OSGEPL1: variants seen among roughly 807,000 people sequenced by gnomAD.
OSGEPL1 encodes the protein tRNA N6-adenosine threonylcarbamoyltransferase, mitochondrial.
In OSGEPL1, 26 loss-of-function variants were observed where a neutral mutation model predicts 37.2. That is an observed-to-expected ratio of 0.70 (90% confidence interval 0.51 to 0.97). OSGEPL1 has a LOEUF of 0.97. Among genes scored for constraint, OSGEPL1 ranks in the 50% least tolerant of loss-of-function variants. The pLI is 0.00. For missense variants in OSGEPL1, 404 were observed against 487.0 expected (o/e 0.83, Z 1.60); for synonymous variants, 140 against 159.9 (o/e 0.88, Z 0.94).
At position 189,761,544 on chromosome 2, in the gene OSGEPL1, G is replaced by A; in HGVS notation, c.97C>T (p.Leu33=). Residue 33 remains leucine (L), a synonymous_variant, in exon 2 of 9, where the codon CTA becomes TTA. Transcript: ENST00000264151. Reference sequence around the variant, plus strand: ...CCCAATACTATTTTATGAAGAAATAGTGTTCCAGGATGAAAATTAAAACTT... The same window carrying A: ...CCCAATACTATTTTATGAAGAAATAATGTTCCAGGATGAAAATTAAAACTT... ...LRSFNFHPGT[L]FLHKIVLGIE... 1 of 1,611,792 alleles carries A rather than the reference G, an allele frequency of 6.2e-7. No individual in the cohort carries two copies.
chr2:189,762,582 C>G, intron 1 of OSGEPL1, 103 bp downstream of exon 1: 1 of 985,466 alleles, frequency 1.0e-6, no homozygotes, highest in Non-Finnish European at 1.2e-6. Flanking sequence ...TTGGGTAGCG[C>G]TGGTCTCCTG....
chr2:189,748,956 A>G (rs1574828216), intron 8 of OSGEPL1, among the ~76,000 whole-genome samples: 1 of 152,256 alleles, frequency 6.6e-6, no homozygotes, highest in South Asian at 2.1e-4. Context: ...TATAAAGATT[A>G]TTTTTATTGG....
intron 5 of OSGEPL1, 129 bp from the exon 6 acceptor site, chr2:189,753,108 G>A: frequency 1.4e-6 from 1 of 737,980 alleles, no homozygotes; most frequent in Non-Finnish European, 2.0e-6. Flanking sequence ...GTAATGGGCA[G>A]ATGACATATC....
rs2044265262 is a variant in OSGEPL1 at position 189,747,242 on chromosome 2, G to A, written c.*29-74C>T. ...TAGTCCCGGCTATTCAAGAGGCTAAGGCAGGAGGATTGCTTGAGTTCAGGA... is the reference window on the plus strand; with the variant it reads ...TAGTCCCGGCTATTCAAGAGGCTAAAGCAGGAGGATTGCTTGAGTTCAGGA... On this transcript the variant is annotated intron_variant, in intron 8 of 8. Transcript: ENST00000264151. 2.0e-5 allele frequency: 3 copies of A among 150,996 alleles called. No homozygotes were observed. The South Asian group carries it at 6.3e-4, about 32-fold the overall frequency. The allele number at this position is 150,996 out of a possible 1,614,324, so 9.4% of individuals were successfully genotyped here.
At chr2:189,762,098 A>G (rs2047160039) in intron 1 of OSGEPL1, among the ~76,000 whole-genome samples, 1 of 152,202 alleles carries the variant, frequency 6.6e-6, no homozygotes, top group African/African-American at 2.4e-5. Context: ...TCAAAATAAA[A>G]CTGGATCATT....
At position 189,750,608 on chromosome 2, in the gene OSGEPL1, T is replaced by C. The variant is rs192789340; in HGVS notation, c.1215A>G (p.Ile405Met). 1.5e-4 allele frequency: 235 copies of C among 1,592,682 alleles called. No individual in the cohort carries two copies. Among genetic ancestry groups the C allele is most frequent in the Non-Finnish European group, 1.8e-4 (215 of 1,168,262 alleles). The change falls in exon 8 of 9, where the codon ATA (isoleucine) becomes ATG (methionine). Residue 405 changes from isoleucine (I) to methionine (M), a missense_variant. Transcript: ENST00000264151. ...DISKEVGEAS[I>M]KVPQLKMEI is the part of the protein sequence containing the mutation. Reference sequence around the variant, plus strand: ...TCTCCATTTTTAATTGTGGTACTTTTATGGAAGCTTCTCCAACTTCTTTTG... The same window carrying C: ...TCTCCATTTTTAATTGTGGTACTTTCATGGAAGCTTCTCCAACTTCTTTTG...
rs1035280037 is a variant in OSGEPL1, at chr2:189,754,075, G to A, written c.815-11C>T. 4.3e-6 allele frequency: 7 copies of A among 1,611,976 alleles called. No individual in the cohort carries two copies. The highest frequency in any genetic ancestry group is 1.7e-5 in the Admixed American group (1 of 59,898). On this transcript the variant is annotated splice_polypyrimidine_tract_variant and intron_variant, in intron 4 of 8. Coordinates refer to ENST00000264151, the MANE Select transcript of OSGEPL1 (RefSeq NM_022353.3). The stretch of plus-strand genomic sequence containing the variant: ...GCCCCTTCTCAATACCTGCAGAAAT[G>A]AGCAGCTATTTTTAGGCACAATCCA...
chr2:189,749,858 A>C lies in OSGEPL1; in HGVS notation c.*28+692T>G, dbSNP rs1355729333. Among the ~76,000 whole-genome samples the C allele has an allele frequency of 2.6e-5, 4 of 152,220 alleles. 1 individual carries two copies. The highest frequency in any genetic ancestry group is 7.2e-5 in the African/African-American group (3 of 41,462). ...CTGATCTAAAATTGCTCTCTTGAGC[A>C]CATCTGTAATCCCAGCATTTTGGGA... On this transcript the variant is annotated intron_variant, in intron 8 of 8. Coordinates refer to ENST00000264151, the MANE Select transcript of OSGEPL1 (RefSeq NM_022353.3).
rs1259640741 is a variant in OSGEPL1, at chr2:189,755,527, C to T, written c.255G>A (p.Gln85=). 1 of 1,601,616 alleles carries T rather than the reference C, an allele frequency of 6.2e-7. No individual in the cohort carries two copies. The highest frequency in any genetic ancestry group is 1.1e-5 in the South Asian group (1 of 87,796). The part of the protein sequence containing the change: ...TGGIVPPAAQ[Q]LHRENIQRIV... Reference sequence around the variant, plus strand: ...TTCGTTGAATATTTTCTCTGTGAAGCTGTTGAGCTGCTGGAGGAACAATCC... The same window carrying T: ...TTCGTTGAATATTTTCTCTGTGAAGTTGTTGAGCTGCTGGAGGAACAATCC... The change falls in exon 3 of 9, where the codon CAG becomes CAA. Residue 85 remains glutamine (Q), a synonymous_variant. Transcript: ENST00000264151.
Position 189,761,182 on chromosome 2 carries a change from G to A in OSGEPL1, c.221+238C>T, listed in dbSNP as rs868734649. On this transcript the variant is annotated intron_variant, in intron 2 of 8. Transcript: ENST00000264151. ...TTACTGAAGGAAAATCAATAAATAC[G>A]GAAGCTGGGAATGAGCTCAGTTTCT... 2.4e-5 allele frequency: 8 copies of A among 338,188 alleles called. No homozygotes were observed. In the East Asian group the frequency reaches 3.9e-4, roughly 17 times the overall value. The allele number at this position is 338,188 out of a possible 1,614,324, so 20.9% of individuals were successfully genotyped here. A position where few individuals can be genotyped will look rare whatever the true frequency, so the allele number is the denominator to read the frequency against.
intron 2 of OSGEPL1, among the ~76,000 whole-genome samples, chr2:189,759,072 A>ATGTCTCCATAATCAT (rs1380982789): frequency 6.6e-6 from 1 of 152,122 alleles, no homozygotes; most frequent in African/African-American, 2.4e-5. Context: ...TCTAGACATC[A>ATGTCTCCATAATCAT]TGTCTCCATA....
At chr2:189,753,809 G>T in intron 5 of OSGEPL1, 107 bp downstream of exon 5, 1 of 1,181,774 alleles carries the variant, frequency 8.5e-7, no homozygotes, top group Non-Finnish European at 1.2e-6. Context: ...GTCAGGGCTA[G>T]CATAAGGCAT....
Position 189,761,651 on chromosome 2 carries a change from T to C in OSGEPL1, c.-11A>G, listed in dbSNP as rs2047078819. The C allele has an allele frequency of 1.9e-6, 3 of 1,542,812 alleles. No homozygotes were observed. The highest frequency in any genetic ancestry group is 2.8e-5 in the African/African-American group (2 of 71,746). On this transcript the variant is annotated 5_prime_UTR_variant, in exon 2 of 9. Transcript: ENST00000264151. ...AGTCAAGATTAGCATACTTACTCTA[T>C]AGATAATTCCTGAAAAAGAATTACA... is the stretch of plus-strand genomic sequence containing the variant.
chr2:189,755,704 A>G, intron 2 of OSGEPL1, 144 bp from the exon 3 acceptor site: 5 of 849,568 alleles, frequency 5.9e-6, no homozygotes, highest in Non-Finnish European at 8.6e-6. Flanking sequence ...CTTCTAACAT[A>G]GCACACTATG....
chr2:189,751,105 C>T (rs767128430), intron 7 of OSGEPL1, among the ~76,000 whole-genome samples: 6 of 152,180 alleles, frequency 3.9e-5, no homozygotes, highest in Non-Finnish European at 8.8e-5. Flanking sequence ...TTTCTACCAT[C>T]CTTTGCCATT....
chr2:189,760,306 G>T (rs1193674002), intron 2 of OSGEPL1, among the ~76,000 whole-genome samples: 2 of 152,146 alleles, frequency 1.3e-5, no homozygotes, highest in Admixed American at 1.3e-4. Flanking sequence ...CCGGGCAGAG[G>T]GGCTCCTCAC....
At chr2:189,747,710 C>T (rs565300478) in intron 8 of OSGEPL1, among the ~76,000 whole-genome samples, 2 of 151,874 alleles carry the variant, frequency 1.3e-5, no homozygotes, top group South Asian at 4.2e-4. Context: ...TTTATTTATT[C>T]GAGATGGAGT....
At chr2:189,747,498 G>T (rs774639119) in intron 8 of OSGEPL1, among the ~76,000 whole-genome samples, 3 of 152,124 alleles carry the variant, frequency 2.0e-5, no homozygotes, top group African/African-American at 7.2e-5. Flanking sequence ...TATGGCTTTT[G>T]TGGCTAACAG....
chr2:189,747,692 C>CTTAT (rs900133074), intron 8 of OSGEPL1, among the ~76,000 whole-genome samples: 5 of 151,934 alleles, frequency 3.3e-5, no homozygotes, highest in Non-Finnish European at 7.4e-5. Context: ...TACTTACTTA[C>CTTAT]TTATTTATTT....
Sources: allele counts gnomAD v4.1 joint callset (sites outside exome capture counted in the v4.1 genomes callset), GRCh38; gene constraint gnomAD v4.1.1; transcripts MANE v1.5; gene names NCBI Gene and HGNC (gene_info 2026-07-23, HGNC 2026-07-21).